SLC8A1: variants seen among roughly 807,000 people sequenced by gnomAD.
The protein encoded by SLC8A1 is sodium/calcium exchanger 1.
A neutral mutation model predicts 68.3 loss-of-function variants in SLC8A1; 18 were observed. That is an observed-to-expected ratio of 0.26 (90% CI 0.18 to 0.39). SLC8A1 has a LOEUF of 0.39. Among genes scored for constraint, SLC8A1 ranks in the 10% least tolerant of loss-of-function variants. The probability of loss-of-function intolerance (pLI) is 1.00; values close to 1 mark genes in which losing one functional copy is unlikely to be tolerated. For synonymous variants in SLC8A1, 475 were observed against 415.5 expected (o/e 1.14, Z -1.74); for missense variants, 985 against 1,156.7 (o/e 0.85, Z 2.15).
chr2:40,330,999 A>G (rs1345008375), intron 2 of SLC8A1, among the ~76,000 whole-genome samples: 1 of 152,242 alleles, frequency 6.6e-6, no homozygotes, highest in Non-Finnish European at 1.5e-5. Flanking sequence ...TTTCTTCCAA[A>G]TGAAATAAAA....
chr2:40,281,967 G>C (rs1196960688), intron 2 of SLC8A1, among the ~76,000 whole-genome samples: 1 of 152,144 alleles, frequency 6.6e-6, no homozygotes, highest in Non-Finnish European at 1.5e-5. Context: ...GTTCACAGGA[G>C]TCTGTTTATT....
chr2:40,288,864 ATTTTT>A (rs35858344), intron 2 of SLC8A1, among the ~76,000 whole-genome samples: 1 of 125,844 alleles, frequency 7.9e-6, no homozygotes, highest in Non-Finnish European at 1.6e-5. Context: ...TATATATATG[ATTTTT>A]TTTTTTTTTT....
In SLC8A1 at chr2:40,430,274, T is replaced by C. The variant is rs747307904; in HGVS notation, c.7A>G (p.Asn3Asp). Reference sequence around the variant, plus strand: ...GGTGAAAGACTTAATCGCCGCATGTTGTACATGACACTTCCAACTGTCACA... The same window carrying C: ...GGTGAAAGACTTAATCGCCGCATGTCGTACATGACACTTCCAACTGTCACA... Residue 3 changes from asparagine to aspartate, a missense_variant, in exon 2 of 8, where the codon AAC becomes GAC. Around this residue, in one of 5 missense-constraint regions of SLC8A1, gnomAD observed 150 missense variants for 160.9 expected, o/e 0.93. Coordinates refer to ENST00000406785, the Ensembl canonical transcript of SLC8A1. The C allele has an allele frequency of 7.5e-6, 12 of 1,606,668 alleles. No individual in the cohort carries two copies. The highest frequency in any genetic ancestry group is 1.3e-5 in the African/African-American group (1 of 74,770).
At chr2:40,378,628 C>T (rs12472012) in intron 2 of SLC8A1, among the ~76,000 whole-genome samples, 46,707 of 151,994 alleles carry the variant, frequency 0.31, 10,967 homozygotes, top group African/African-American at 0.66. Context: ...TAGCTGATAA[C>T]AGTTTGTACC....
At chr2:40,243,400 C>G (rs2061453228) in intron 2 of SLC8A1, among the ~76,000 whole-genome samples, 1 of 152,122 alleles carries the variant, frequency 6.6e-6, no homozygotes, top group Admixed American at 6.5e-5. Context: ...GGGAGGATCA[C>G]TTGAGCCTAG....
chr2:40,154,536 C>T (rs414720), intron 6 of SLC8A1, among the ~76,000 whole-genome samples: 24,293 of 141,976 alleles, frequency 0.17, 2,524 homozygotes, highest in African/African-American at 0.28. Flanking sequence ...ACCGTGTTAG[C>T]CAGGATGGTC....
chr2:40,200,251 T>TTTATATATATATATATAAATAA (rs2054081108), intron 2 of SLC8A1, among the ~76,000 whole-genome samples: 1 of 68,510 alleles, frequency 1.5e-5, no homozygotes, highest in African/African-American at 5.6e-5. Flanking sequence ...TATATATATA[T>TTTATATATATATATATAAATAA]ATATATATAT....
chr2:40,131,952 C>G (rs2148212781), intron 7 of SLC8A1, among the ~76,000 whole-genome samples: 2 of 136,906 alleles, frequency 1.5e-5, no homozygotes, highest in East Asian at 4.2e-4. Context: ...ACAGGAAATG[C>G]TAATAGTTTA....
intron 2 of SLC8A1, among the ~76,000 whole-genome samples, chr2:40,380,908 C>G (rs1681545038): frequency 6.6e-6 from 1 of 152,048 alleles, no homozygotes; most frequent in Admixed American, 6.6e-5. Context: ...CAAAGTAGGG[C>G]AGTAAAAATG....
intron 7 of SLC8A1, among the ~76,000 whole-genome samples, chr2:40,136,857 T>C (rs1360271926): frequency 6.6e-6 from 1 of 152,218 alleles, no homozygotes; most frequent in Non-Finnish European, 1.5e-5. Flanking sequence ...GATATGATTG[T>C]CTGAGATTAC....
chr2:40,473,277 T>G (rs1465323949), intron 1 of SLC8A1, among the ~76,000 whole-genome samples: 1 of 152,174 alleles, frequency 6.6e-6, no homozygotes, highest in East Asian at 1.9e-4. Flanking sequence ...TTATTTGGTA[T>G]GATTCCAGAA....
At chr2:40,218,760 C>T (rs538585273) in intron 2 of SLC8A1, among the ~76,000 whole-genome samples, 91 of 149,538 alleles carry the variant, frequency 6.1e-4, no homozygotes, top group Non-Finnish European at 1.2e-3. Flanking sequence ...TCCTTGCTTG[C>T]AGAGATTGGT....
chr2:40,296,024 GT>G (rs145234915), intron 2 of SLC8A1, among the ~76,000 whole-genome samples: 2,124 of 152,240 alleles, frequency 0.014, 47 homozygotes, highest in African/African-American at 0.048. Context: ...TGAGAATTGT[GT>G]TTATTGTCTA....
At chr2:40,341,235 A>T (rs777493897) in intron 2 of SLC8A1, among the ~76,000 whole-genome samples, 1 of 152,208 alleles carries the variant, frequency 6.6e-6, no homozygotes, top group Admixed American at 6.5e-5. Flanking sequence ...AAGTCAATTC[A>T]TCTTCAGAAA....
chr2:40,457,936 C>T (rs2149890213), intron 1 of SLC8A1, among the ~76,000 whole-genome samples: 1 of 152,310 alleles, frequency 6.6e-6, no homozygotes. Context: ...CGAATCCTGG[C>T]TGTACGCATG....
intron 7 of SLC8A1, among the ~76,000 whole-genome samples, chr2:40,127,634 G>A (rs369855944): frequency 2.6e-5 from 4 of 152,258 alleles, no homozygotes; most frequent in Non-Finnish European, 4.4e-5. Context: ...GGTCATTTTA[G>A]TCTGGAGCTA....
chr2:40,305,087 G>A (rs190903925), intron 2 of SLC8A1, among the ~76,000 whole-genome samples: 1 of 152,324 alleles, frequency 6.6e-6, no homozygotes, highest in Non-Finnish European at 1.5e-5. Flanking sequence ...TAGCCATTCT[G>A]CTGGTCCATG....
chr2:40,149,815 A>C (rs2043084009), intron 6 of SLC8A1, among the ~76,000 whole-genome samples: 1 of 152,116 alleles, frequency 6.6e-6, no homozygotes, highest in South Asian at 2.1e-4. Context: ...TTGGTCAGGA[A>C]AGCTTCAATC....
intron 2 of SLC8A1, chr2:40,209,272 G>C (rs939086632): frequency 7.9e-5 from 12 of 152,396 alleles, no homozygotes; most frequent in Admixed American, 7.2e-4. Context: ...AAATGAGCAA[G>C]TTAGCCATCT....
Sources: allele counts gnomAD v4.1 joint callset (sites outside exome capture counted in the v4.1 genomes callset), GRCh38; gene constraint gnomAD v4.1.1; regional missense constraint gnomAD v4.1.1; transcripts MANE v1.5; gene names NCBI Gene and HGNC (gene_info 2026-07-23, HGNC 2026-07-21).